MYO5B: variants seen among roughly 807,000 people sequenced by gnomAD.
MYO5B encodes myosin VB.
In MYO5B, 143 loss-of-function variants were observed where a neutral mutation model predicts 229.3. That is an observed-to-expected ratio of 0.62 (90% CI 0.54 to 0.72). The LOEUF is 0.72. Ranked by LOEUF, MYO5B falls within the 30% of genes least tolerant of loss-of-function variation. The pLI, the probability that MYO5B is intolerant of heterozygous loss-of-function variation, is 0.00. For missense variants in MYO5B, 2,321 were observed against 2,331.0 expected (o/e 1.00, Z 0.09); for synonymous variants, 918 against 885.2 (o/e 1.04, Z -0.66).
intron 4 of MYO5B, among the ~76,000 whole-genome samples, chr18:50,035,352 A>T (rs773433288): frequency 6.6e-6 from 1 of 152,238 alleles, no homozygotes; most frequent in Non-Finnish European, 1.5e-5. Flanking sequence ...ATGGTATAAC[A>T]TGGTAAGAAC....
chr18:49,911,760 T>C (rs2024960345), intron 18 of MYO5B, among the ~76,000 whole-genome samples: 1 of 152,164 alleles, frequency 6.6e-6, no homozygotes, highest in South Asian at 2.1e-4. Flanking sequence ...TATTCATCCA[T>C]TGCTGGGTCA....
chr18:50,121,666 A>G (rs1008161958), intron 1 of MYO5B, among the ~76,000 whole-genome samples: 1 of 152,230 alleles, frequency 6.6e-6, no homozygotes. Context: ...TCATCATTCA[A>G]TGTAAATACA....
intron 16 of MYO5B, 91 bp from the exon 17 acceptor site, chr18:49,929,689 G>T: frequency 8.8e-7 from 1 of 1,140,300 alleles, no homozygotes; most frequent in Non-Finnish European, 1.3e-6. Context: ...TTTTCCTGCA[G>T]CATGTGAAGT....
At chr18:50,125,712 C>T (rs77374235) in intron 1 of MYO5B, among the ~76,000 whole-genome samples, 2,012 of 152,184 alleles carry the variant, frequency 0.013, 40 homozygotes, top group African/African-American at 0.046. Flanking sequence ...TAGCTGTATA[C>T]CAAGTTCACA....
At chr18:49,963,085 G>A (rs2025579501) in intron 10 of MYO5B, 55 bp from the exon 11 acceptor site, 1 of 1,453,060 alleles carries the variant, frequency 6.9e-7, no homozygotes, top group Non-Finnish European at 9.7e-7. Context: ...AGGAATCACT[G>A]GGACTTCAAC....
intron 1 of MYO5B, among the ~76,000 whole-genome samples, chr18:50,132,004 A>C (rs2032261977): frequency 6.6e-6 from 1 of 152,182 alleles, no homozygotes; most frequent in Admixed American, 6.5e-5. Flanking sequence ...ATTTTTTCCC[A>C]AACAATAATT....
intron 1 of MYO5B, among the ~76,000 whole-genome samples, chr18:50,143,673 T>G (rs1350482185): frequency 6.6e-6 from 1 of 152,184 alleles, no homozygotes; most frequent in African/African-American, 2.4e-5. Context: ...GTAGAAGGAA[T>G]AGAAGGCAGG....
chr18:50,132,809 G>A (rs1270735624), intron 1 of MYO5B, among the ~76,000 whole-genome samples: 1 of 152,234 alleles, frequency 6.6e-6, no homozygotes, highest in African/African-American at 2.4e-5. Context: ...GCTGAAGCGT[G>A]AAAGGCAGGT....
chr18:50,076,930 A>C (rs1422029617), intron 1 of MYO5B, among the ~76,000 whole-genome samples: 3 of 4,608 alleles, frequency 6.5e-4, no homozygotes, highest in Non-Finnish European at 1.7e-3. Context: ...TGATGTTGCA[A>C]AAAAAAAAAA....
chr18:49,845,736 C>T (rs1290594751), intron 33 of MYO5B, among the ~76,000 whole-genome samples: 1 of 152,184 alleles, frequency 6.6e-6, no homozygotes, highest in Non-Finnish European at 1.5e-5. Context: ...CTCTTCCTGG[C>T]TCTGCAGGGG....
chr18:50,112,715 G>C (rs2031888404), intron 1 of MYO5B, among the ~76,000 whole-genome samples: 1 of 152,200 alleles, frequency 6.6e-6, no homozygotes, highest in Admixed American at 6.5e-5. Flanking sequence ...GTACACAGTA[G>C]CAGCTCAGTA....
chr18:49,842,493 T>C (rs571397687), intron 34 of MYO5B, among the ~76,000 whole-genome samples: 1 of 152,330 alleles, frequency 6.6e-6, no homozygotes, highest in South Asian at 2.1e-4. Flanking sequence ...CAGTAATGTG[T>C]AAGAACTAAA....
chr18:50,102,510 A>T (rs2031675016), intron 1 of MYO5B, among the ~76,000 whole-genome samples: 1 of 152,162 alleles, frequency 6.6e-6, no homozygotes, highest in Non-Finnish European at 1.5e-5. Flanking sequence ...GAAAAGCTAG[A>T]AATGCAAGAG....
intron 1 of MYO5B, among the ~76,000 whole-genome samples, chr18:50,061,646 A>G (rs2030689139): frequency 6.6e-6 from 1 of 152,186 alleles, no homozygotes; most frequent in Non-Finnish European, 1.5e-5. Context: ...AAACAAAACC[A>G]CTAACACCCA....
At chr18:50,188,435 T>C (rs977408636) in intron 1 of MYO5B, among the ~76,000 whole-genome samples, 2 of 152,224 alleles carry the variant, frequency 1.3e-5, no homozygotes, top group African/African-American at 4.8e-5. Flanking sequence ...GTGTACTTTG[T>C]GTATTTAGCT....
At chr18:50,010,610 A>C (rs1181221941) in intron 4 of MYO5B, among the ~76,000 whole-genome samples, 1 of 152,240 alleles carries the variant, frequency 6.6e-6, no homozygotes, top group Non-Finnish European at 1.5e-5. Context: ...TAGAACTGCT[A>C]ATGTCCAAAA....
chr18:49,843,448 C>T, intron 33 of MYO5B, 56 bp from the exon 34 acceptor site: 3 of 1,577,536 alleles, frequency 1.9e-6, no homozygotes, highest in African/African-American at 2.7e-5. Flanking sequence ...ACAATGGAGG[C>T]TGTCAGAATC....
intron 22 of MYO5B, among the ~76,000 whole-genome samples, chr18:49,893,593 AG>A (rs1211616787): frequency 6.6e-6 from 1 of 152,204 alleles, no homozygotes; most frequent in Non-Finnish European, 1.5e-5. Context: ...CTGTGGGCAG[AG>A]GGCCCTCAAA....
intron 11 of MYO5B, 115 bp downstream of exon 11, chr18:49,962,834 G>T: frequency 1.1e-6 from 1 of 900,130 alleles, no homozygotes; most frequent in Non-Finnish European, 1.9e-6. Flanking sequence ...AAAACCAAGG[G>T]ATATCAGAAC....
Sources: gnomAD v4.1 joint callset for allele counts (sites outside exome capture counted in the v4.1 genomes callset) on GRCh38, gnomAD v4.1.1 for gene constraint, MANE v1.5 for transcripts, NCBI Gene and HGNC (gene_info 2026-07-23, HGNC 2026-07-21) for gene names.